Variants in CREBBP observed in about 807,000 individuals in gnomAD.
CREBBP encodes the protein CREB binding lysine acetyltransferase.
In CREBBP, 19 loss-of-function variants were observed where a neutral mutation model predicts 265.0. The observed-to-expected ratio is 0.07, with a 90% CI of 0.05 to 0.11. The LOEUF (loss-of-function observed/expected upper bound fraction) is 0.11. Ranked by LOEUF, CREBBP falls within the 10% of genes least tolerant of loss-of-function variation. The pLI is 1.00. For missense variants in CREBBP, 2,525 were observed against 3,219.0 expected (o/e 0.78, Z 5.22); for synonymous variants, 1,457 against 1,223.7 (o/e 1.19, Z -3.98).
chr16:3,733,222 C>T (rs904051632), intron 28 of CREBBP, among the ~76,000 whole-genome samples: 4 of 151,848 alleles, frequency 2.6e-5, no homozygotes, highest in Non-Finnish European at 4.4e-5. Flanking sequence ...ATTAGCCAGG[C>T]GTGGTGGCGG....
chr16:3,742,066 G>C (rs997617429), intron 23 of CREBBP: 1 of 151,760 alleles, frequency 6.6e-6, no homozygotes, highest in Non-Finnish European at 1.5e-5. Flanking sequence ...GGGCGACAGA[G>C]CGAGACTCTG....
In CREBBP at chr16:3,871,646, C is replaced by T. The variant is rs138629662; in HGVS notation, c.85+8186G>A. On this transcript the variant is annotated intron_variant, in intron 1 of 30. Transcript: ENST00000262367. ...AACAGTGACTTATTTTTCTATTTCA[C>T]TGGTTATTTTAACCATAAAGTTAAA... Among the ~76,000 whole-genome samples the T allele has an allele frequency of 2.3e-3, 357 of 152,292 alleles. 16 individuals are homozygous for T. In the East Asian group the frequency reaches 0.059, roughly 25 times the overall value.
chr16:3,728,702 C>T lies in CREBBP; in HGVS notation c.6345G>A (p.Met2115Ile), dbSNP rs2151304571. Residue 2115 changes from methionine (M) to isoleucine (I), a missense_variant, in exon 31 of 31, where the codon ATG becomes ATA. Transcript: ENST00000262367. This position sits in a 1 kb window ranked among gnomAD's most constrained non-coding sequence, Gnocchi z 8.7. The stretch of plus-strand genomic sequence containing the variant: ...GGGACTGGAGGCCAGGCTGGGGCTG[C>T]ATGCCGGGCTGATTGGCCACGTACT... Reference protein sequence around the residue: ...TAKYVANQPGMQPQPGLQSQP... With the variant: ...TAKYVANQPGIQPQPGLQSQP... The T allele has an allele frequency of 6.2e-7, 1 of 1,614,006 alleles. No homozygotes were observed. The highest frequency in any genetic ancestry group is 8.5e-7 in the Non-Finnish European group (1 of 1,179,998).
intron 9 of CREBBP, 125 bp downstream of exon 9, chr16:3,778,575 G>A: frequency 1.2e-6 from 1 of 843,082 alleles, no homozygotes. Context: ...TTGGTCAGTG[G>A]CCTCAAGGGG....
At chr16:3,767,127 C>G (rs1356206837) in intron 16 of CREBBP, among the ~76,000 whole-genome samples, 1 of 152,130 alleles carries the variant, frequency 6.6e-6, no homozygotes, top group Non-Finnish European at 1.5e-5. Context: ...CAAATGGATT[C>G]CATCCAACTT....
intron 11 of CREBBP, among the ~76,000 whole-genome samples, chr16:3,775,499 C>A (rs538548513): frequency 2.0e-5 from 3 of 152,318 alleles, no homozygotes; most frequent in Admixed American, 2.0e-4. Flanking sequence ...CTGGAAGGTG[C>A]TGCCTTAGCG....
chr16:3,761,010 A>G (rs2052704669), intron 16 of CREBBP, among the ~76,000 whole-genome samples: 1 of 151,954 alleles, frequency 6.6e-6, no homozygotes, highest in African/African-American at 2.4e-5. Context: ...GCTGGAGTGC[A>G]ATGGCGTGAT....
intron 1 of CREBBP, among the ~76,000 whole-genome samples, chr16:3,860,694 C>CA (rs1440483705): frequency 1.3e-5 from 2 of 152,042 alleles, no homozygotes; most frequent in African/African-American, 4.8e-5. Flanking sequence ...AAACTACATA[C>CA]AAAAAACTTG....
In CREBBP at chr16:3,728,652, C is replaced by T. The variant is rs1373398258; in HGVS notation, c.6395G>A (p.Gly2132Asp). 6.2e-7 allele frequency: 1 copy of T among 1,613,538 alleles called. No individual in the cohort carries two copies. The highest frequency in any genetic ancestry group is 1.7e-5 in the Admixed American group (1 of 59,980). The part of the protein sequence containing the change: ...QSQPGMQPQP[G>D]MHQQPSLQNL... ...CTGCAGGCTGGGCTGCTGGTGCATG[C>T]CAGGCTGGGGTTGCATGCCGGGCTG... The change falls in exon 31 of 31, where the codon GGC (glycine) becomes GAC (aspartate). Residue 2132 changes from glycine (G) to aspartate (D), a missense_variant. Gly to Asp is a moderately conservative substitution (Grantham distance 94, BLOSUM62 -1). Around this residue, in one of 19 missense-constraint regions of CREBBP, gnomAD observed 473 missense variants for 459.3 expected, o/e 1.03. Coordinates refer to ENST00000262367, the MANE Select transcript of CREBBP (RefSeq NM_004380.3). The surrounding 1 kb of genome is among the most constrained non-coding windows in gnomAD (Gnocchi z 8.7).
At chr16:3,761,395 G>C (rs938174352) in intron 16 of CREBBP, among the ~76,000 whole-genome samples, 1 of 152,148 alleles carries the variant, frequency 6.6e-6, no homozygotes, top group Admixed American at 6.5e-5. Flanking sequence ...GTGTGGGGTG[G>C]GGATGGTCTA....
chr16:3,779,822 C>T (rs2053230928), intron 8 of CREBBP, among the ~76,000 whole-genome samples: 1 of 152,138 alleles, frequency 6.6e-6, no homozygotes, highest in Non-Finnish European at 1.5e-5. Flanking sequence ...AGCTCAACAA[C>T]GTTAGGCTTG....
chr16:3,778,868 T>TA (rs1269538315), intron 8 of CREBBP, 51 bp from the exon 9 acceptor site: 1 of 1,538,300 alleles, frequency 6.5e-7, no homozygotes, highest in East Asian at 2.3e-5. Flanking sequence ...TTCTTTTTTT[T>TA]AAAGACATGG....
chr16:3,810,895 G>T, intron 2 of CREBBP, 116 bp from the exon 3 acceptor site: 2 of 1,075,166 alleles, frequency 1.9e-6, no homozygotes, highest in Non-Finnish European at 2.8e-6. Flanking sequence ...TAAATTCAAG[G>T]TTCATTATCA....
intron 28 of CREBBP, among the ~76,000 whole-genome samples, chr16:3,732,395 C>T (rs2051940687): frequency 6.6e-6 from 1 of 152,122 alleles, no homozygotes; most frequent in South Asian, 2.1e-4. Flanking sequence ...AGAGCAGGGA[C>T]TCTGAGGCCC....
At chr16:3,853,654 C>T (rs1021457205) in intron 1 of CREBBP, among the ~76,000 whole-genome samples, 1 of 146,060 alleles carries the variant, frequency 6.8e-6, no homozygotes, top group Non-Finnish European at 1.5e-5. Flanking sequence ...CACCATACAT[C>T]GGCCAGGCAC....
chr16:3,827,549 G>A (rs1431696754), intron 2 of CREBBP, among the ~76,000 whole-genome samples: 3 of 151,292 alleles, frequency 2.0e-5, no homozygotes, highest in Non-Finnish European at 2.9e-5. Flanking sequence ...CCGCCACCAC[G>A]CCCGGCTAAT....
At chr16:3,858,943 T>C (rs1203327457) in intron 1 of CREBBP, among the ~76,000 whole-genome samples, 9 of 152,234 alleles carry the variant, frequency 5.9e-5, no homozygotes, top group Non-Finnish European at 1.3e-4. Context: ...AGATGCTGTT[T>C]TGTGATGTGT....
intron 28 of CREBBP, among the ~76,000 whole-genome samples, chr16:3,734,832 C>G (rs927886177): frequency 6.6e-6 from 1 of 152,194 alleles, no homozygotes; most frequent in East Asian, 1.9e-4. Context: ...ACAGCCCATC[C>G]GGCACCCACC....
intron 1 of CREBBP, among the ~76,000 whole-genome samples, chr16:3,859,311 GC>G (rs1360345413): frequency 5.3e-5 from 8 of 152,018 alleles, no homozygotes; most frequent in Non-Finnish European, 1.0e-4. Flanking sequence ...TTCTGCCTCA[GC>G]CTCCCAAGTA....
Sources: gnomAD v4.1 joint callset for allele counts (sites outside exome capture counted in the v4.1 genomes callset) on GRCh38, gnomAD v4.1.1 for gene constraint, gnomAD v4.1.1 regional missense constraint, Gnocchi (gnomAD v3.1) non-coding constraint, MANE v1.5 for transcripts, NCBI Gene and HGNC (gene_info 2026-07-23, HGNC 2026-07-21) for gene names.